The following BRWD1 variants were observed in gnomAD, a reference collection of about 807,000 sequenced individuals.
The protein encoded by BRWD1 is bromodomain and WD repeat-containing protein 1.
In BRWD1, 82 loss-of-function variants were observed where a neutral mutation model predicts 251.2. That is an observed-to-expected ratio of 0.33 (90% CI 0.27 to 0.39). The LOEUF is 0.39. Among genes scored for constraint, BRWD1 ranks in the 10% least tolerant of loss-of-function variants. BRWD1 has a pLI of 1.00. For missense variants in BRWD1, 2,233 were observed against 2,711.6 expected (o/e 0.82, Z 3.92); for synonymous variants, 918 against 902.8 (o/e 1.02, Z -0.30).
Position 39,190,967 on chromosome 21 carries a change from A to G in BRWD1, c.*5292T>C. 1 of 985,210 alleles carries G rather than the reference A, an allele frequency of 1.0e-6. No homozygotes were observed. The highest frequency in any genetic ancestry group is 1.2e-6 in the Non-Finnish European group (1 of 829,804). 61.0% of individuals were successfully genotyped at this position (985,210 alleles called of 1,614,324 possible). ...GCTCATCACAATACAGTTTTCTCTC[A>G]CCCCTAGAAAAACTCAGATTTGTGA... is the stretch of plus-strand genomic sequence containing the variant. On this transcript the variant is annotated 3_prime_UTR_variant, in exon 41 of 41. Coordinates refer to ENST00000342449, the MANE Select transcript of BRWD1 (RefSeq NM_033656.4).
At chr21:39,317,227 C>T (rs1258689446), upstream of BRWD1, 2 of 152,306 alleles carry the variant, frequency 1.3e-5, no homozygotes, top group Non-Finnish European at 2.9e-5. Flanking sequence ...TCTGTGTATT[C>T]CTCACACAAT....
intron 21 of BRWD1, among the ~76,000 whole-genome samples, chr21:39,244,300 G>C (rs529102890): frequency 6.6e-6 from 1 of 151,904 alleles, no homozygotes; most frequent in Admixed American, 6.6e-5. Flanking sequence ...TCCTGCCCTT[G>C]TGATCCACCC....
chr21:39,262,562 A>T (rs1455502869), intron 17 of BRWD1, among the ~76,000 whole-genome samples: 1 of 152,136 alleles, frequency 6.6e-6, no homozygotes, highest in Non-Finnish European at 1.5e-5. Context: ...TAAAAATACA[A>T]AAATTAGCTG....
intron 29 of BRWD1, among the ~76,000 whole-genome samples, chr21:39,220,176 T>C (rs1386005597): frequency 6.6e-6 from 1 of 152,170 alleles, no homozygotes; most frequent in African/African-American, 2.4e-5. Context: ...TCTCACTATG[T>C]TGCCTGGGCT....
intron 19 of BRWD1, among the ~76,000 whole-genome samples, chr21:39,252,621 T>C (rs1025062030): frequency 1.3e-5 from 2 of 152,234 alleles, no homozygotes; most frequent in East Asian, 1.9e-4. Context: ...AGCTTTCTTT[T>C]AGAATAAAAT....
At chr21:39,290,247 T>C in intron 8 of BRWD1, among the ~76,000 whole-genome samples, 1 of 152,042 alleles carries the variant, frequency 6.6e-6, no homozygotes, top group Non-Finnish European at 1.5e-5. Flanking sequence ...CCCAGCACTT[T>C]GGGAGGCCAA....
intron 19 of BRWD1, among the ~76,000 whole-genome samples, chr21:39,253,056 GA>G (rs1164977734): frequency 1.3e-5 from 2 of 152,082 alleles, no homozygotes; most frequent in Non-Finnish European, 2.9e-5. Context: ...TTGGCAGGCC[GA>G]GGCAGGTGGA....
chr21:39,217,065 ATATATATATATATATATATTTTTTTTT>A, intron 31 of BRWD1: 2 of 8,590 alleles, frequency 2.3e-4, no homozygotes, highest in African/African-American at 6.0e-4. Flanking sequence ...ATATATATAT[ATATATATATATATATATATTTTTTTTT>A]TTTTTTTTTT....
chr21:39,282,042 G>A (rs573941378), intron 8 of BRWD1, among the ~76,000 whole-genome samples: 21 of 151,582 alleles, frequency 1.4e-4, no homozygotes, highest in Middle Eastern at 3.5e-3. Context: ...GTATATGTAT[G>A]TACATATGTA....
Position 39,224,438 on chromosome 21 carries a change from G to C in BRWD1, c.3352C>G (p.Pro1118Ala), listed in dbSNP as rs768371827. Residue 1118 changes from proline (P) to alanine (A), a missense_variant, in exon 29 of 41, where the codon CCA (proline) becomes GCA (alanine). Physicochemically the swap from Pro to Ala is conservative, Grantham distance 27. This residue lies in a region of BRWD1 where 139 missense variants were observed against 272.8 expected (regional missense o/e 0.51). Transcript: ENST00000342449. ...WDNTEIEKLS[P>A]WDMEPIPDNV... ...TCAGGAATTGGTTCCATGTCCCATG[G>C]GCTAAGTTTTTCAATTTCAGTATTA... 6.3e-7 allele frequency: 1 copy of C among 1,599,262 alleles called. No individual in the cohort carries two copies. Among genetic ancestry groups the C allele is most frequent in the Non-Finnish European group, 8.5e-7 (1 of 1,171,406 alleles).
Position 39,237,977 on chromosome 21 carries a change from T to G in BRWD1, c.2576+502A>C, listed in dbSNP as rs551163747. Among the ~76,000 whole-genome samples the G allele has an allele frequency of 4.2e-4, 63 of 151,748 alleles. 1 individual carries two copies. Among genetic ancestry groups the G allele is most frequent in the Admixed American group, 2.2e-3 (34 of 15,228 alleles). ...CCAATTAAAAAAAAAAGAAAGATGATCTGAGTGATAGGAAGGAGAATTTTC... is the reference window on the plus strand; with the variant it reads ...CCAATTAAAAAAAAAAGAAAGATGAGCTGAGTGATAGGAAGGAGAATTTTC... On this transcript the variant is annotated intron_variant, in intron 22 of 40. Coordinates refer to ENST00000342449, the MANE Select transcript of BRWD1 (RefSeq NM_033656.4).
At chr21:39,200,432 T>TAC (rs755383755) in intron 38 of BRWD1, 46 bp from the exon 39 acceptor site, 1 of 1,530,030 alleles carries the variant, frequency 6.5e-7, no homozygotes, top group African/African-American at 1.4e-5. Context: ...CTCCTGTCTT[T>TAC]ACACACATAA....
chr21:39,258,323 C>T (rs577858096), intron 18 of BRWD1, among the ~76,000 whole-genome samples, 164 bp downstream of exon 18: 7 of 152,296 alleles, frequency 4.6e-5, no homozygotes, highest in African/African-American at 9.6e-5. Context: ...TTTGTTACTA[C>T]ATTATCTCAC....
intron 21 of BRWD1, 101 bp from the exon 22 acceptor site, chr21:39,238,674 C>A: frequency 1.3e-6 from 1 of 747,686 alleles, no homozygotes. Flanking sequence ...ATTAAATCAT[C>A]TAAGAAAAAT....
At chr21:39,205,826 T>A (rs938936738) in intron 37 of BRWD1, among the ~76,000 whole-genome samples, 1 of 151,976 alleles carries the variant, frequency 6.6e-6, no homozygotes. Context: ...ACACCTGTAA[T>A]CCCAACATTG....
rs75147702 is a variant in BRWD1 at position 39,248,660 on chromosome 21, A to C, written c.2350-828T>G. 4.9e-3 allele frequency among the ~76,000 whole-genome samples: 643 copies of C among 130,168 alleles called. 21 individuals are homozygous for C. Among genetic ancestry groups the C allele is most frequent in the South Asian group, 0.021 (87 of 4,058 alleles). The allele number at this position is 130,168 out of a possible 152,430, so 85.4% of individuals were successfully genotyped here. A position where few individuals can be genotyped will look rare whatever the true frequency, so the allele number is the denominator to read the frequency against. On this transcript the variant is annotated intron_variant, in intron 20 of 40. Coordinates refer to ENST00000342449, the MANE Select transcript of BRWD1 (RefSeq NM_033656.4). ...ATCTCCCAAAAAAAAAAAAAAAAAAAAAAAAAAAAAAAAAAAAAAAACACT... is the reference window on the plus strand; with the variant it reads ...ATCTCCCAAAAAAAAAAAAAAAAAACAAAAAAAAAAAAAAAAAAAAACACT...
chr21:39,259,508 C>T (rs1431745314), intron 17 of BRWD1, among the ~76,000 whole-genome samples: 1 of 152,128 alleles, frequency 6.6e-6, no homozygotes, highest in Non-Finnish European at 1.5e-5. Flanking sequence ...CCGTGTTAGC[C>T]AGGATGGTCT....
In BRWD1 at chr21:39,313,601, C is replaced by G. The variant is rs1386562666; in HGVS notation, c.-110G>C. 52 of 860,594 alleles carry G rather than the reference C, an allele frequency of 6.0e-5. No individual in the cohort carries two copies. The highest frequency in any genetic ancestry group is 7.1e-5 in the Non-Finnish European group (46 of 652,208). The allele number at this position is 860,594 out of a possible 1,614,324, so 53.3% of individuals were successfully genotyped here. ...TCTTCTCAGGCGCGCGCCGCCGCCG[C>G]CGCCGCCGCCGCCATACCGTGCGCG... On this transcript the variant is annotated 5_prime_UTR_variant, in exon 1 of 41. Coordinates refer to ENST00000342449, the MANE Select transcript of BRWD1 (RefSeq NM_033656.4).
intron 14 of BRWD1, 43 bp from the exon 15 acceptor site, chr21:39,270,076 TAC>T (rs2035050695): frequency 1.4e-6 from 2 of 1,470,576 alleles, no homozygotes; most frequent in East Asian, 2.4e-5. Context: ...GTTTACAAGT[TAC>T]AAATTGAAAA....
Sources: gnomAD v4.1 joint callset for allele counts (sites outside exome capture counted in the v4.1 genomes callset) on GRCh38, gnomAD v4.1.1 for gene constraint, gnomAD v4.1.1 regional missense constraint, MANE v1.5 for transcripts, NCBI Gene and HGNC (gene_info 2026-07-23, HGNC 2026-07-21) for gene names.